IPO8: variants seen among roughly 807,000 people sequenced by gnomAD.
IPO8 encodes the protein importin-8.
A neutral mutation model predicts 141.2 loss-of-function variants in IPO8; 65 were observed. The observed-to-expected ratio is 0.46, with a 90% CI of 0.38 to 0.57. The LOEUF (loss-of-function observed/expected upper bound fraction) is 0.57, where lower values mean the gene tolerates loss of function less well. Among genes scored for constraint, IPO8 ranks in the 20% least tolerant of loss-of-function variants. The probability of loss-of-function intolerance (pLI) is 0.00; values close to 1 mark genes in which losing one functional copy is unlikely to be tolerated. For synonymous variants in IPO8, 411 were observed against 420.3 expected, an observed-to-expected ratio of 0.98 and a Z score of 0.27; for missense variants, 980 against 1,246.8, an observed-to-expected ratio of 0.79 and a Z score of 3.22.
intron 8 of IPO8, among the ~76,000 whole-genome samples, chr12:30,672,838 T>C (rs1489127743): frequency 2.0e-5 from 3 of 152,176 alleles, no homozygotes; most frequent in Non-Finnish European, 2.9e-5. Flanking sequence ...AACTGTTGCA[T>C]TGTACTTTTT....
rs1565490263 is a variant in IPO8 at position 30,629,890 on chromosome 12, A to AGG, written c.*969_*970insCC. The AGG allele has an allele frequency of 6.6e-6, 1 of 152,206 alleles. No individual in the cohort carries two copies. The highest frequency in any genetic ancestry group is 1.9e-4 in the East Asian group (1 of 5,202). 9.4% of individuals were successfully genotyped at this position (152,206 alleles called of 1,614,324 possible). On this transcript the variant is annotated 3_prime_UTR_variant, in exon 25 of 25. Transcript: ENST00000256079. ...AATATTATAAAATGCTTTGGACCCT[A>AGG]GTCCAACATAGCTGGAATGATAAGT...
Position 30,634,246 on chromosome 12 carries a change from A to C in IPO8, c.2736T>G (p.Ala912=), listed in dbSNP as rs762348334. ...SSDEEETNVT[A]QAMQSNNGRG... ...TTCCATTATTTGACTGCATTGCTTG[A>C]GCAGTTACATTTGTCTCCTCTTCAT... Residue 912 remains alanine (A), a synonymous_variant, in exon 23 of 25, where the codon GCT becomes GCG. Coordinates refer to ENST00000256079, the MANE Select transcript of IPO8 (RefSeq NM_006390.4). 2 of 1,613,834 alleles carry C rather than the reference A, an allele frequency of 1.2e-6. No individual in the cohort carries two copies. Among genetic ancestry groups the C allele is most frequent in the Non-Finnish European group, 1.7e-6 (2 of 1,179,786 alleles).
At chr12:30,657,078 G>T (rs2052810576) in intron 16 of IPO8, among the ~76,000 whole-genome samples, 1 of 151,858 alleles carries the variant, frequency 6.6e-6, no homozygotes, top group Non-Finnish European at 1.5e-5. Flanking sequence ...ATCCTGAAAA[G>T]GGAAAGTGAC....
At position 30,695,507 on chromosome 12, in the gene IPO8, C is replaced by G. The variant is rs548341865; in HGVS notation, c.84+57G>C. The G allele has an allele frequency of 6.9e-5, 104 of 1,517,532 alleles. No individual in the cohort carries two copies. In the East Asian group the frequency reaches 2.2e-3, roughly 32 times the overall value. 94.0% of individuals were successfully genotyped at this position (1,517,532 alleles called of 1,614,324 possible). ...GGGGCGCCGGGGAGAGGGAGCCCGGCCAGCCGGCAGGGGCGCCCCTTCGGC... is the reference window on the plus strand; with the variant it reads ...GGGGCGCCGGGGAGAGGGAGCCCGGGCAGCCGGCAGGGGCGCCCCTTCGGC... On this transcript the variant is annotated intron_variant, in intron 1 of 24. Transcript: ENST00000256079. The surrounding 1 kb of genome is among the most constrained non-coding windows in gnomAD (Gnocchi z 4.2).
Position 30,634,120 on chromosome 12 carries a change from A to G in IPO8, c.2862T>C (p.Ser954=), listed in dbSNP as rs2052469405. ...GFSTPLDLDN[S]VDEYQFFTQA... ...GTGTAAAAAACTGATATTCATCCACACTATTGTCAAGGTCAAGTGGAGTAC... is the reference window on the plus strand; with the variant it reads ...GTGTAAAAAACTGATATTCATCCACGCTATTGTCAAGGTCAAGTGGAGTAC... The change falls in exon 23 of 25, where the codon AGT becomes AGC. Residue 954 remains serine (S), a synonymous_variant. Transcript: ENST00000256079. 4 of 1,613,972 alleles carry G rather than the reference A, an allele frequency of 2.5e-6. No homozygotes were observed. The highest frequency in any genetic ancestry group is 2.7e-5 in the African/African-American group (2 of 75,052).
rs1005804682 is a variant in IPO8 at position 30,650,961 on chromosome 12, T to C, written c.2172+1231A>G. On this transcript the variant is annotated intron_variant, in intron 19 of 24. Coordinates refer to ENST00000256079, the MANE Select transcript of IPO8 (RefSeq NM_006390.4). ...GAAAGTGCTTAGAAAATGGCTGGTA[T>C]ACAATAAGAATTCGACAAATATTAG... Among the ~76,000 whole-genome samples the C allele has an allele frequency of 3.9e-5, 6 of 152,210 alleles. No homozygotes were observed. The East Asian group carries it at 1.2e-3, about 29-fold the overall frequency.
chr12:30,679,829 G>T (rs962102782), intron 5 of IPO8, among the ~76,000 whole-genome samples: 1 of 152,114 alleles, frequency 6.6e-6, no homozygotes, highest in Non-Finnish European at 1.5e-5. Flanking sequence ...AAACAGTTAA[G>T]ACTGAAAACA....
chr12:30,662,399 A>G lies in IPO8; in HGVS notation c.1683T>C (p.Asn561=), dbSNP rs2052900703. ...ATTCACATATCATCTTCTGGATGAC[A>G]TTAGTAACATCATCATTTTCTGTCT... ...VRETENDDVT[N]VIQKMICEYS... is the part of the protein sequence containing the mutation. Residue 561 remains asparagine (N), a synonymous_variant, in exon 15 of 25, where the codon AAT becomes AAC. Transcript: ENST00000256079. The G allele has an allele frequency of 6.2e-7, 1 of 1,612,782 alleles. No homozygotes were observed. The highest frequency in any genetic ancestry group is 1.3e-5 in the African/African-American group (1 of 74,912).
At chr12:30,631,655 G>A (rs1280290696) in intron 24 of IPO8, 1 of 347,208 alleles carries the variant, frequency 2.9e-6, no homozygotes, top group East Asian at 5.6e-5. Flanking sequence ...CTCCAACATA[G>A]GATAAGAATG....
At position 30,680,614 on chromosome 12, in the gene IPO8, TTCTC is replaced by T; in HGVS notation, c.503_506del (p.Arg168AsnfsTer4). 6.2e-7 allele frequency: 1 copy of T among 1,611,110 alleles called. No individual in the cohort carries two copies. The highest frequency in any genetic ancestry group is 1.1e-5 in the South Asian group (1 of 90,412). ...ATATCTGCATTGCTATTATAAGAGG[TTCTC>T]TCTCTTCTGCTTTCTTATATCTACA... On this transcript the variant is annotated frameshift_variant, in exon 5 of 25. Coordinates refer to ENST00000256079, the MANE Select transcript of IPO8 (RefSeq NM_006390.4). LOFTEE classifies it high-confidence loss of function.
At chr12:30,665,374 A>G in intron 12 of IPO8, 65 bp from the exon 13 acceptor site, 1 of 930,684 alleles carries the variant, frequency 1.1e-6, no homozygotes, top group Non-Finnish European at 1.7e-6. Flanking sequence ...TTCCTAATCA[A>G]GTGTGTTTAC....
intron 19 of IPO8, among the ~76,000 whole-genome samples, chr12:30,650,036 GA>G (rs912054258): frequency 2.0e-5 from 3 of 149,666 alleles, no homozygotes; most frequent in Admixed American, 6.6e-5. Context: ...CAAATTCATT[GA>G]AAAAAAAGAC....
chr12:30,681,792 C>T lies in IPO8; in HGVS notation c.349G>A (p.Ala117Thr), dbSNP rs184519735. 1.9e-6 allele frequency: 3 copies of T among 1,613,382 alleles called. No homozygotes were observed. The highest frequency in any genetic ancestry group is 3.3e-5 in the Admixed American group (2 of 59,946). Residue 117 changes from alanine (A) to threonine (T), a missense_variant, in exon 4 of 25, where the codon GCC becomes ACC. This residue lies in a region of IPO8 where 924 missense variants were observed against 1,153.9 expected (regional missense o/e 0.80). Coordinates refer to ENST00000256079, the MANE Select transcript of IPO8 (RefSeq NM_006390.4). ...VRVQLTMCLR[A>T]IIKHDFPGHW... ...CCAGGAAAATCATGTTTTATGATGGCACGGAGACACATTGTTAATTGGACT... is the reference window on the plus strand; with the variant it reads ...CCAGGAAAATCATGTTTTATGATGGTACGGAGACACATTGTTAATTGGACT...
intron 9 of IPO8, 35 bp from the exon 10 acceptor site, chr12:30,669,317 G>C: frequency 1.0e-6 from 1 of 1,004,534 alleles, no homozygotes; most frequent in African/African-American, 1.6e-5. Context: ...GTAACAAATG[G>C]GTATAGGCTA....
intron 16 of IPO8, among the ~76,000 whole-genome samples, chr12:30,658,933 T>G (rs1470688075): frequency 7.5e-6 from 1 of 133,684 alleles, no homozygotes; most frequent in Non-Finnish European, 1.5e-5. Context: ...CAGGCTGGAG[T>G]GCAATGGCAT....
chr12:30,660,102 A>G (rs2052864612), intron 16 of IPO8, among the ~76,000 whole-genome samples: 1 of 152,024 alleles, frequency 6.6e-6, no homozygotes, highest in Non-Finnish European at 1.5e-5. Flanking sequence ...ACACACCTGT[A>G]GTCCCAGCTC....
rs2053013021 is a variant in IPO8 at position 30,669,240 on chromosome 12, C to G, written c.1087G>C (p.Asp363His). The part of the protein sequence containing the change: ...DVIFSVMCYK[D>H]EDEELWQEDP... ...TCTTGCCACAGCTCTTCATCCTCATCTTTATAACACATCACAGAAAAAATC... is the reference window on the plus strand; with the variant it reads ...TCTTGCCACAGCTCTTCATCCTCATGTTTATAACACATCACAGAAAAAATC... Residue 363 changes from aspartate (D) to histidine (H), a missense_variant, in exon 10 of 25, where the codon GAT becomes CAT. Physicochemically the swap from Asp to His is moderately conservative, Grantham distance 81 (BLOSUM62 -1). Transcript: ENST00000256079. 1 of 1,588,138 alleles carries G rather than the reference C, an allele frequency of 6.3e-7. No homozygotes were observed. Among genetic ancestry groups the G allele is most frequent in the Admixed American group, 1.7e-5 (1 of 59,354 alleles).
chr12:30,665,858 A>C lies in IPO8; in HGVS notation c.1222-13T>G. 6.5e-7 allele frequency: 1 copy of C among 1,532,692 alleles called. No homozygotes were observed. The highest frequency in any genetic ancestry group is 9.0e-7 in the Non-Finnish European group (1 of 1,106,686). 94.9% of individuals were successfully genotyped at this position (1,532,692 alleles called of 1,614,324 possible). On this transcript the variant is annotated splice_polypyrimidine_tract_variant and intron_variant, in intron 11 of 24. Transcript: ENST00000256079. ...TTTTTGGCAACACCTAAAGAAACAG[A>C]AGAATCCATTTAGTCTACATGAACT...
intron 5 of IPO8, chr12:30,680,280 A>G: frequency 2.2e-6 from 1 of 449,928 alleles, no homozygotes; most frequent in African/African-American, 2.0e-5. Context: ...CACTGGAGTG[A>G]AAAGCACTTA....
Sources: allele counts gnomAD v4.1 joint callset (sites outside exome capture counted in the v4.1 genomes callset), GRCh38; gene constraint gnomAD v4.1.1; regional missense constraint gnomAD v4.1.1; non-coding constraint Gnocchi (gnomAD v3.1); transcripts MANE v1.5; gene names NCBI Gene and HGNC (gene_info 2026-07-23, HGNC 2026-07-21).